HHIPL1: variants seen among roughly 807,000 people sequenced by gnomAD.
HHIPL1 encodes HHIP like 1.
HHIPL1 carries 43 observed loss-of-function variants against 61.8 expected under a neutral mutation model. The observed-to-expected ratio is 0.70, with a 90% CI of 0.55 to 0.90. The LOEUF (loss-of-function observed/expected upper bound fraction) is 0.90. Ranked by LOEUF, HHIPL1 falls within the 40% of genes least tolerant of loss-of-function variation. The probability of loss-of-function intolerance (pLI) is 0.00; values close to 1 mark genes in which losing one functional copy is unlikely to be tolerated. For synonymous variants in HHIPL1, 482 were observed against 515.8 expected (o/e 0.93, Z 0.89); for missense variants, 1,056 against 1,157.7 (o/e 0.91, Z 1.28).
the HHIPL1 span, among the ~76,000 whole-genome samples, chr14:99,612,772 C>G: frequency 6.6e-6 from 1 of 152,112 alleles, no homozygotes; most frequent in Non-Finnish European, 1.5e-5. Context: ...GTGCCTGGCC[C>G]CCGGGTTGCC....
At chr14:99,648,599 G>T (rs146919022) in intron 1 of HHIPL1, among the ~76,000 whole-genome samples, 3 of 152,226 alleles carry the variant, frequency 2.0e-5, no homozygotes, top group Non-Finnish European at 2.9e-5. Context: ...AGTGACTGCT[G>T]TAGAGAACTC....
At chr14:99,640,225 A>T (rs1042725886), upstream of HHIPL1, among the ~76,000 whole-genome samples, 10 of 152,098 alleles carry the variant, frequency 6.6e-5, no homozygotes, top group African/African-American at 2.2e-4. Flanking sequence ...AATTATTTTA[A>T]TGGTTGGGCT....
At chr14:99,673,396 C>T (rs1424123031) in intron 8 of HHIPL1, among the ~76,000 whole-genome samples, 2 of 150,722 alleles carry the variant, frequency 1.3e-5, no homozygotes, top group Non-Finnish European at 3.0e-5. Flanking sequence ...AGGCCCTGTT[C>T]TGGCTGGGAC....
chr14:99,652,584 AC>A lies in HHIPL1; in HGVS notation c.619del (p.His207ThrfsTer27). ...PVAMVHARDG[T>X]HRFFVAEQVG... ...GGCCATGGTCCATGCCAGGGATGGC[AC>A]CCACCGCTTCTTCGTGGCCGAGCAG... On this transcript the variant is annotated frameshift_variant, in exon 2 of 9. Transcript: ENST00000330710. LOFTEE classifies it high-confidence loss of function. The A allele has an allele frequency of 6.2e-7, 1 of 1,613,014 alleles. No individual in the cohort carries two copies. Among genetic ancestry groups the A allele is most frequent in the South Asian group, 1.1e-5 (1 of 91,032 alleles).
upstream of HHIPL1, among the ~76,000 whole-genome samples, chr14:99,644,785 G>A (rs894312823): frequency 2.6e-5 from 4 of 152,148 alleles, no homozygotes; most frequent in African/African-American, 7.2e-5. Flanking sequence ...AAAATGTTAC[G>A]TGGGAGCTTT....
At position 99,645,179 on chromosome 14, in the gene HHIPL1, C is replaced by G. The variant is rs2055807712; in HGVS notation, c.-29C>G. On this transcript the variant is annotated 5_prime_UTR_variant, in exon 1 of 9. Transcript: ENST00000330710. ...CGGGAGGGGACCGGGGCTGCCGTCC[C>G]TCCGCCTCTTCCCCCGCGGGGCGTA... The G allele has an allele frequency of 7.9e-7, 1 of 1,263,716 alleles. No individual in the cohort carries two copies. Among genetic ancestry groups the G allele is most frequent in the Non-Finnish European group, 9.9e-7 (1 of 1,005,184 alleles). 78.3% of individuals were successfully genotyped at this position (1,263,716 alleles called of 1,614,324 possible). A position where few individuals can be genotyped will look rare whatever the true frequency, so the allele number is the denominator to read the frequency against.
chr14:99,638,974 ATCAT>A, the HHIPL1 span, among the ~76,000 whole-genome samples: 16 of 152,244 alleles, frequency 1.1e-4, no homozygotes, highest in African/African-American at 3.4e-4. Flanking sequence ...AGAGCATTTG[ATCAT>A]TCATTCATTC....
the HHIPL1 span, among the ~76,000 whole-genome samples, chr14:99,634,815 G>A: frequency 6.6e-6 from 1 of 152,194 alleles, no homozygotes; most frequent in Non-Finnish European, 1.5e-5. Context: ...GAGCCAGGCT[G>A]GCAGTCCGCA....
At chr14:99,662,855 A>C in intron 5 of HHIPL1, 21 bp from the exon 6 acceptor site, 2 of 1,564,692 alleles carry the variant, frequency 1.3e-6, no homozygotes, top group Non-Finnish European at 1.7e-6. Context: ...GCATGGCCTC[A>C]CAGCTCATCT....
the HHIPL1 span, among the ~76,000 whole-genome samples, chr14:99,622,470 A>G: frequency 6.6e-6 from 1 of 152,178 alleles, no homozygotes; most frequent in Non-Finnish European, 1.5e-5. Flanking sequence ...CATCTGTCAC[A>G]TGGCTGTGTG....
the HHIPL1 span, chr14:99,625,653 A>C: frequency 6.6e-6 from 1 of 152,134 alleles, no homozygotes; most frequent in South Asian, 2.1e-4. Context: ...GGTGGCGGGC[A>C]GCCTCTCCAA....
chr14:99,668,959 C>T lies in HHIPL1; in HGVS notation c.1730+656C>T. 6.3e-7 allele frequency: 1 copy of T among 1,598,242 alleles called. No homozygotes were observed. Among genetic ancestry groups the T allele is most frequent in the Non-Finnish European group, 8.5e-7 (1 of 1,170,428 alleles). ...AAGACACGAAGTCATGGGCCTGGGG[C>T]CCAGGGCCAGGGTGGGGCCCAGGCC... is the stretch of plus-strand genomic sequence containing the variant. On this transcript the variant is annotated intron_variant, in intron 7 of 8. Transcript: ENST00000330710. This position sits in a 1 kb window ranked among gnomAD's most constrained non-coding sequence, Gnocchi z 4.7.
In HHIPL1 at chr14:99,645,214, C is replaced by A. The variant is rs375990748; in HGVS notation, c.7C>A (p.Arg3=). ...TCCCCCGCGGGGCGTAGCGATGGCCCGGGCCAGGGCCGGGGCGCTGCTGGC... is the reference window on the plus strand; with the variant it reads ...TCCCCCGCGGGGCGTAGCGATGGCCAGGGCCAGGGCCGGGGCGCTGCTGGC... MA[R]ARAGALLALW... Residue 3 remains arginine, a synonymous_variant, in exon 1 of 9, where the codon CGG becomes AGG. Transcript: ENST00000330710. The A allele has an allele frequency of 1.5e-6, 2 of 1,290,962 alleles. No homozygotes were observed. The highest frequency in any genetic ancestry group is 3.2e-5 in the East Asian group (1 of 31,522). The allele number at this position is 1,290,962 out of a possible 1,614,324, so 80.0% of individuals were successfully genotyped here. A position where few individuals can be genotyped will look rare whatever the true frequency, so the allele number is the denominator to read the frequency against.
the HHIPL1 span, among the ~76,000 whole-genome samples, chr14:99,629,248 G>C: frequency 9.2e-5 from 14 of 152,316 alleles, no homozygotes; most frequent in African/African-American, 2.9e-4. Flanking sequence ...CAGGCTGCTG[G>C]ACAGCCACAG....
At chr14:99,640,915 ATC>A (rs373150806), upstream of HHIPL1, among the ~76,000 whole-genome samples, 163 of 104,650 alleles carry the variant, frequency 1.6e-3, 1 homozygote, top group African/African-American at 5.7e-3. Flanking sequence ...GAGATAGAGT[ATC>A]TCTCTCTCGC....
the HHIPL1 span, among the ~76,000 whole-genome samples, chr14:99,637,103 AAAAG>A: frequency 7.2e-3 from 795 of 110,926 alleles, 38 homozygotes; most frequent in Middle Eastern, 0.013. Context: ...AAGGAAGGAA[AAAAG>A]AAAGAAAGAA....
intron 1 of HHIPL1, among the ~76,000 whole-genome samples, chr14:99,646,451 C>G (rs1205801027): frequency 6.6e-6 from 1 of 152,238 alleles, no homozygotes; most frequent in South Asian, 2.1e-4. Context: ...GCTTCGTGAC[C>G]TGGGCAGGTC....
At position 99,645,132 on chromosome 14, in the gene HHIPL1, T is replaced by C. The variant is rs1387822606; in HGVS notation, c.-76T>C. 1.6e-6 allele frequency: 2 copies of C among 1,221,102 alleles called. No homozygotes were observed. Among genetic ancestry groups the C allele is most frequent in the Admixed American group, 8.6e-5 (2 of 23,224 alleles). 75.6% of individuals were successfully genotyped at this position (1,221,102 alleles called of 1,614,324 possible). A position where few individuals can be genotyped will look rare whatever the true frequency, so the allele number is the denominator to read the frequency against. ...TGTAGGGAAGGGGAGCGCCCGCCCC[T>C]TCCCTGCCGCCGCGAGCGCCCCGGG... is the stretch of plus-strand genomic sequence containing the variant. On this transcript the variant is annotated 5_prime_UTR_variant, in exon 1 of 9. Transcript: ENST00000330710.
chr14:99,621,329 G>T, the HHIPL1 span, among the ~76,000 whole-genome samples: 1 of 152,070 alleles, frequency 6.6e-6, no homozygotes, highest in Non-Finnish European at 1.5e-5. Context: ...CAAACTCCTG[G>T]GCTCAAGCGA....
Sources: allele counts gnomAD v4.1 joint callset (sites outside exome capture counted in the v4.1 genomes callset), GRCh38; gene constraint gnomAD v4.1.1; non-coding constraint Gnocchi (gnomAD v3.1); transcripts MANE v1.5; gene names NCBI Gene and HGNC (gene_info 2026-07-23, HGNC 2026-07-21).